Variants in XXYLT1 observed in about 807,000 individuals in gnomAD.
XXYLT1 encodes the protein UDP-xylose:alpha-xyloside alpha-1,3-xylosyltransferase.
A neutral mutation model predicts 28.9 loss-of-function variants in XXYLT1; 20 were observed. That is an observed-to-expected ratio of 0.69 (90% CI 0.49 to 1.00). The LOEUF (loss-of-function observed/expected upper bound fraction) is 1.00, where lower values mean the gene tolerates loss of function less well. Among genes scored for constraint, XXYLT1 ranks in the 50% least tolerant of loss-of-function variants. The pLI is 0.00. For synonymous variants in XXYLT1, 257 were observed against 253.8 expected (o/e 1.01, Z -0.12); for missense variants, 542 against 560.1 (o/e 0.97, Z 0.33).
intron 3 of XXYLT1, among the ~76,000 whole-genome samples, chr3:195,155,983 C>T (rs116898045): frequency 3.5e-4 from 53 of 152,300 alleles, no homozygotes; most frequent in East Asian, 2.7e-3. Flanking sequence ...ATGCGGAATG[C>T]GCTTCTTCGT....
chr3:195,087,889 A>G (rs1715835663), intron 3 of XXYLT1, among the ~76,000 whole-genome samples: 1 of 151,900 alleles, frequency 6.6e-6, no homozygotes, highest in South Asian at 2.1e-4. Flanking sequence ...GGGGTCAGGG[A>G]GTTCCCTTTC....
rs553452361 is a variant in XXYLT1 at position 195,174,439 on chromosome 3, A to C, written c.653-17858T>G. Among the ~76,000 whole-genome samples the C allele has an allele frequency of 3.9e-5, 6 of 152,218 alleles. No homozygotes were observed. In the East Asian group the frequency reaches 5.8e-4, roughly 15 times the overall value. On this transcript the variant is annotated intron_variant, in intron 2 of 3. Coordinates refer to ENST00000310380, the MANE Select transcript of XXYLT1 (RefSeq NM_152531.5). The stretch of plus-strand genomic sequence containing the variant: ...CTGCAGCCTTGATTTCCCGGGCTCA[A>C]GTGATCCTCCCACCTCAGCCTCCTG...
At chr3:195,088,902 A>C (rs372231922) in intron 3 of XXYLT1, among the ~76,000 whole-genome samples, 1 of 151,182 alleles carries the variant, frequency 6.6e-6, no homozygotes, top group Non-Finnish European at 1.5e-5. Flanking sequence ...GAGCCGATGC[A>C]ATCAACTGGA....
intron 3 of XXYLT1, among the ~76,000 whole-genome samples, chr3:195,119,609 A>G (rs114914160): frequency 0.03 from 4,628 of 152,254 alleles, 111 homozygotes; most frequent in Middle Eastern, 0.12. Flanking sequence ...TGGCCTGACA[A>G]TGAAGCGATG....
At chr3:195,099,830 CAAA>C (rs35428286) in intron 3 of XXYLT1, among the ~76,000 whole-genome samples, 12 of 97,224 alleles carry the variant, frequency 1.2e-4, no homozygotes, top group Middle Eastern at 5.7e-3. Context: ...GACTCTGTCT[CAAA>C]AAAAAAAAAA....
chr3:195,204,518 G>A (rs1226527574), intron 2 of XXYLT1, among the ~76,000 whole-genome samples: 2 of 145,728 alleles, frequency 1.4e-5, no homozygotes, highest in African/African-American at 2.8e-5. Flanking sequence ...TGGCATCTTC[G>A]TGTTCCAGTC....
intron 3 of XXYLT1, among the ~76,000 whole-genome samples, chr3:195,088,348 A>G (rs531186205): frequency 0.01 from 1,508 of 148,398 alleles, 18 homozygotes; most frequent in African/African-American, 0.035. Flanking sequence ...GAGAACGGGC[A>G]GACTGCCTCC....
At position 195,226,727 on chromosome 3, in the gene XXYLT1, G is replaced by A. The variant is rs1403795422; in HGVS notation, c.634C>T (p.His212Tyr). 2 of 1,613,758 alleles carry A rather than the reference G, an allele frequency of 1.2e-6. No individual in the cohort carries two copies. Residue 212 changes from histidine to tyrosine, a missense_variant, in exon 2 of 4, where the codon CAT (histidine) becomes TAT (tyrosine). Physicochemically the swap from His to Tyr is moderately conservative, Grantham distance 83. Coordinates refer to ENST00000310380, the MANE Select transcript of XXYLT1 (RefSeq NM_152531.5). ...AGGTTACCTTTGGGCATGATCTGATGCATGGCGACCGAGAGGAAGAAGATG... is the reference window on the plus strand; with the variant it reads ...AGGTTACCTTTGGGCATGATCTGATACATGGCGACCGAGAGGAAGAAGATG... The part of the protein sequence containing the change: ...DSIFFLSVAM[H>Y]QIMPKEILQI...
At chr3:195,120,223 G>C (rs1718277081) in intron 3 of XXYLT1, among the ~76,000 whole-genome samples, 1 of 151,884 alleles carries the variant, frequency 6.6e-6, no homozygotes, top group African/African-American at 2.4e-5. Flanking sequence ...TGACACAGTA[G>C]CTGCCCCATC....
Position 195,124,497 on chromosome 3 carries a change from G to T in XXYLT1, c.785+31952C>A, listed in dbSNP as rs1874104. 0.2 allele frequency among the ~76,000 whole-genome samples: 30,482 copies of T among 152,076 alleles called. 3,690 individuals are homozygous for T. The highest frequency in any genetic ancestry group is 0.46 in the East Asian group (2,404 of 5,172). ...TTGTTTTCCCCTGATAATTTGTCTA[G>T]TGTTTCTAGGCCTCCCCCTCTAGAC... On this transcript the variant is annotated intron_variant, in intron 3 of 3. Transcript: ENST00000310380. This position sits in a 1 kb window ranked among gnomAD's most constrained non-coding sequence, Gnocchi z 4.1.
intron 3 of XXYLT1, among the ~76,000 whole-genome samples, chr3:195,125,672 T>C (rs1428440137): frequency 6.6e-6 from 1 of 152,244 alleles, no homozygotes; most frequent in South Asian, 2.1e-4. Flanking sequence ...ATTATCTCAA[T>C]GAAGCGAAGA....
At chr3:195,075,180 A>G (rs2108639866) in intron 3 of XXYLT1, among the ~76,000 whole-genome samples, 1 of 152,332 alleles carries the variant, frequency 6.6e-6, no homozygotes, top group South Asian at 2.1e-4. Flanking sequence ...TGAACCCGGG[A>G]GGCAGAGGTT....
chr3:195,166,246 C>A (rs78112908), intron 2 of XXYLT1, among the ~76,000 whole-genome samples: 6,856 of 151,798 alleles, frequency 0.045, 248 homozygotes, highest in East Asian at 0.15. Context: ...AGTCTATTTC[C>A]CAATTTTAAT....
At chr3:195,218,600 C>G (rs1181248967) in intron 2 of XXYLT1, among the ~76,000 whole-genome samples, 1 of 152,060 alleles carries the variant, frequency 6.6e-6, no homozygotes, top group African/African-American at 2.4e-5. Flanking sequence ...AAATGCAAAT[C>G]AAAACCACAA....
chr3:195,117,097 T>C (rs1419889121), intron 3 of XXYLT1, among the ~76,000 whole-genome samples: 1 of 121,292 alleles, frequency 8.2e-6, no homozygotes, highest in African/African-American at 3.3e-5. Flanking sequence ...GGAAACATCC[T>C]ATATATATAT....
intron 3 of XXYLT1, among the ~76,000 whole-genome samples, chr3:195,144,762 C>CCTTGAT (rs1241478241): frequency 6.6e-6 from 1 of 152,148 alleles, no homozygotes; most frequent in Non-Finnish European, 1.5e-5. Context: ...AAGTGTGTTT[C>CCTTGAT]CTTGATCCTC....
chr3:195,105,235 A>G (rs1197700300), intron 3 of XXYLT1, among the ~76,000 whole-genome samples: 1 of 152,260 alleles, frequency 6.6e-6, no homozygotes, highest in Non-Finnish European at 1.5e-5. Context: ...CAAGTGTGTC[A>G]AAGTGTGTCT....
At chr3:195,139,229 G>A (rs1039664916) in intron 3 of XXYLT1, among the ~76,000 whole-genome samples, 28 of 152,186 alleles carry the variant, frequency 1.8e-4, no homozygotes, top group Non-Finnish European at 2.6e-4. Flanking sequence ...CAAAGCTCCC[G>A]GGTAGACAGT....
At position 195,168,248 on chromosome 3, in the gene XXYLT1, T is replaced by G. The variant is rs924671186; in HGVS notation, c.653-11667A>C. Among the ~76,000 whole-genome samples the G allele has an allele frequency of 2.0e-5, 3 of 152,160 alleles. No homozygotes were observed. Among genetic ancestry groups the G allele is most frequent in the African/African-American group, 7.2e-5 (3 of 41,438 alleles). Reference sequence around the variant, plus strand: ...CCTCCCAGCCCTACCACCCTGTGATTCTGAACAGGAATGGTCTTTGCCCCT... The same window carrying G: ...CCTCCCAGCCCTACCACCCTGTGATGCTGAACAGGAATGGTCTTTGCCCCT... On this transcript the variant is annotated intron_variant, in intron 2 of 3. Coordinates refer to ENST00000310380, the MANE Select transcript of XXYLT1 (RefSeq NM_152531.5). This position sits in a 1 kb window ranked among gnomAD's most constrained non-coding sequence, Gnocchi z 4.3.
Sources: allele counts gnomAD v4.1 joint callset (sites outside exome capture counted in the v4.1 genomes callset), GRCh38; gene constraint gnomAD v4.1.1; non-coding constraint Gnocchi (gnomAD v3.1); transcripts MANE v1.5; gene names NCBI Gene and HGNC (gene_info 2026-07-23, HGNC 2026-07-21).